FDXR: variants seen among roughly 807,000 people sequenced by gnomAD.
FDXR encodes NADPH:adrenodoxin oxidoreductase, mitochondrial.
Under a neutral mutation model 58.3 loss-of-function variants are expected in FDXR, and 38 were observed. The ratio of observed to expected loss-of-function variants is 0.65; its 90% CI spans 0.50 to 0.85. The LOEUF (loss-of-function observed/expected upper bound fraction) is 0.85. Among genes scored for constraint, FDXR ranks in the 40% least tolerant of loss-of-function variants. The pLI is 0.00. For synonymous variants in FDXR, 275 were observed against 273.8 expected (o/e 1.00, Z -0.04); for missense variants, 624 against 671.0 (o/e 0.93, Z 0.77).
Position 74,865,083 on chromosome 17 carries a change from C to G in FDXR, c.610-152G>C. 3 of 982,378 alleles carry G rather than the reference C, an allele frequency of 3.1e-6. No homozygotes were observed. The South Asian group carries it at 4.5e-5, about 15-fold the overall frequency. The allele number at this position is 982,378 out of a possible 1,614,324, so 60.9% of individuals were successfully genotyped here. ...CTGGTGGCCAGATGGAGCATTGCTG[C>G]CAACTCTGCAAATGGCTCCAACTAA... On this transcript the variant is annotated intron_variant, in intron 6 of 11. Transcript: ENST00000293195.
At chr17:74,866,631 C>T in intron 3 of FDXR, 63 bp from the exon 4 acceptor site, 2 of 1,605,552 alleles carry the variant, frequency 1.2e-6, no homozygotes, top group South Asian at 1.1e-5. Context: ...ACCAAGTCTG[C>T]ACCACCCTCA....
At position 74,865,583 on chromosome 17, in the gene FDXR, C is replaced by T. The variant is rs1194139272; in HGVS notation, c.609+136G>A. ...CTCATGGCACTGCCCTTCAGAGAGC[C>T]TCTGCCTGGGCACCACGGGGAAACA... On this transcript the variant is annotated intron_variant, in intron 6 of 11. Coordinates refer to ENST00000293195, the MANE Select transcript of FDXR (RefSeq NM_024417.5). 6.5e-6 allele frequency: 4 copies of T among 618,666 alleles called. No homozygotes were observed. The Admixed American group carries it at 7.8e-5, about 12-fold the overall frequency. 38.3% of individuals were successfully genotyped at this position (618,666 alleles called of 1,614,324 possible).
Position 74,872,989 on chromosome 17 carries a change from C to G in FDXR, c.-45G>C. 6.6e-7 allele frequency: 1 copy of G among 1,516,018 alleles called. No individual in the cohort carries two copies. 93.9% of individuals were successfully genotyped at this position (1,516,018 alleles called of 1,614,324 possible). A position where few individuals can be genotyped will look rare whatever the true frequency, so the allele number is the denominator to read the frequency against. On this transcript the variant is annotated 5_prime_UTR_variant, in exon 1 of 12. Transcript: ENST00000293195. ...CAAGTGGATCTGTTCCTAGCTACTG[C>G]TCCGCAGGGCAAGCCCGCTCCTGCC...
chr17:74,862,717 C>A lies in FDXR; in HGVS notation c.*100G>T. The stretch of plus-strand genomic sequence containing the variant: ...AGCCAAGCCTCCAAGCCAGGGCCGG[C>A]CGGGATCAGCAGAGGTGCAAAGTCC... On this transcript the variant is annotated 3_prime_UTR_variant, in exon 12 of 12. Transcript: ENST00000293195. 2.8e-6 allele frequency: 4 copies of A among 1,451,320 alleles called. No homozygotes were observed. Among genetic ancestry groups the A allele is most frequent in the South Asian group, 1.4e-5 (1 of 72,550 alleles). The allele number at this position is 1,451,320 out of a possible 1,614,324, so 89.9% of individuals were successfully genotyped here.
Position 74,864,930 on chromosome 17 carries a change from C to T in FDXR, c.611G>A (p.Arg204Lys), listed in dbSNP as rs774427615. Residue 204 changes from arginine (R) to lysine (K), a missense_variant and splice_region_variant, in exon 7 of 12, where the codon AGA becomes AAA. By Grantham distance (26) the Arg-to-Lys change is conservative. Coordinates refer to ENST00000293195, the MANE Select transcript of FDXR (RefSeq NM_024417.5). ...CAGGGCTGCCTTCGTGATGTCCGTTCTCTGGCACAAAAGGAGGGCCTTGGA... is the reference window on the plus strand; with the variant it reads ...CAGGGCTGCCTTCGTGATGTCCGTTTTCTGGCACAAAAGGAGGGCCTTGGA... ...ILLTPPEHLE[R>K]TDITKAALGV... is the part of the protein sequence containing the mutation. 5.0e-6 allele frequency: 8 copies of T among 1,614,034 alleles called. No individual in the cohort carries two copies. The highest frequency in any genetic ancestry group is 6.8e-6 in the Non-Finnish European group (8 of 1,180,002).
In FDXR at chr17:74,872,078, G is replaced by A; in HGVS notation, c.135C>T (p.Gly45=). 1 of 1,605,718 alleles carries A rather than the reference G, an allele frequency of 6.2e-7. No individual in the cohort carries two copies. Among genetic ancestry groups the A allele is most frequent in the South Asian group, 1.1e-5 (1 of 89,932 alleles). ...QEKTPQICVV[G]SGPAGFYTAQ... is the part of the protein sequence containing the mutation. ...CCGTGTAGAAGCCAGCTGGGCCACT[G>A]CCCACCACACAGATCTGGGGGGTCT... The change falls in exon 2 of 12, where the codon GGC becomes GGT. Residue 45 remains glycine, a synonymous_variant. Coordinates refer to ENST00000293195, the MANE Select transcript of FDXR (RefSeq NM_024417.5).
Position 74,863,981 on chromosome 17 carries a change from C to T in FDXR, c.1089G>A (p.Lys363=), listed in dbSNP as rs776419900. The T allele has an allele frequency of 8.1e-6, 13 of 1,613,988 alleles. No individual in the cohort carries two copies. The highest frequency in any genetic ancestry group is 3.3e-5 in the Admixed American group (2 of 60,012). ...GCACGCTTGGGTCGACAGGGCGGCT[C>T]TTATACCCAATGCTGCTGAGCACCA... ...CGLVLSSIGY[K]SRPVDPSVPF... The change falls in exon 10 of 12, where the codon AAG becomes AAA. Residue 363 remains lysine, a synonymous_variant. Coordinates refer to ENST00000293195, the MANE Select transcript of FDXR (RefSeq NM_024417.5).
chr17:74,862,686 A>G lies in FDXR; in HGVS notation c.*131T>C. The G allele has an allele frequency of 7.9e-7, 1 of 1,268,746 alleles. No homozygotes were observed. The allele number at this position is 1,268,746 out of a possible 1,614,324, so 78.6% of individuals were successfully genotyped here. Reference sequence around the variant, plus strand: ...CCCCAGGAGGGAGGAGAGACGCTGGAAGAGCAGCCAAGCCTCCAAGCCAGG... The same window carrying G: ...CCCCAGGAGGGAGGAGAGACGCTGGGAGAGCAGCCAAGCCTCCAAGCCAGG... On this transcript the variant is annotated 3_prime_UTR_variant, in exon 12 of 12. Coordinates refer to ENST00000293195, the MANE Select transcript of FDXR (RefSeq NM_024417.5).
Position 74,865,750 on chromosome 17 carries a change from C to A in FDXR, c.578G>T (p.Arg193Leu), listed in dbSNP as rs772347757. ...GQGNVALDVARILLTPPEHLE... is the reference protein window; with the variant it reads ...GQGNVALDVALILLTPPEHLE... ...GTGCTCAGGTGGGGTCAGTAGGATGCGGGCCACGTCCAGAGCCACGTTCCC... is the reference window on the plus strand; with the variant it reads ...GTGCTCAGGTGGGGTCAGTAGGATGAGGGCCACGTCCAGAGCCACGTTCCC... The change falls in exon 6 of 12, where the codon CGC (arginine) becomes CTC (leucine). Residue 193 changes from arginine to leucine, a missense_variant. Physicochemically the swap from Arg to Leu is moderately radical, Grantham distance 102. Coordinates refer to ENST00000293195, the MANE Select transcript of FDXR (RefSeq NM_024417.5). The A allele has an allele frequency of 1.2e-6, 2 of 1,612,614 alleles. No individual in the cohort carries two copies. Among genetic ancestry groups the A allele is most frequent in the Non-Finnish European group, 1.7e-6 (2 of 1,179,770 alleles).
rs200642785 is a variant in FDXR at position 74,865,758 on chromosome 17, G to A, written c.570C>T (p.Asp190=). ...GTGGGGTCAGTAGGATGCGGGCCAC[G>A]TCCAGAGCCACGTTCCCCTGCCCCA... is the stretch of plus-strand genomic sequence containing the variant. ...VILGQGNVAL[D]VARILLTPPE... The change falls in exon 6 of 12, where the codon GAC becomes GAT. Residue 190 remains aspartate (D), a synonymous_variant. Coordinates refer to ENST00000293195, the MANE Select transcript of FDXR (RefSeq NM_024417.5). 9.4e-5 allele frequency: 151 copies of A among 1,613,386 alleles called. No individual in the cohort carries two copies. The highest frequency in any genetic ancestry group is 8.7e-5 in the Non-Finnish European group (103 of 1,179,924).
At position 74,863,886 on chromosome 17, in the gene FDXR, A is replaced by G; in HGVS notation, c.1174+10T>C. On this transcript the variant is annotated intron_variant, in intron 10 of 11. Transcript: ENST00000293195. ...ATAATTCAGCACCCAGCCTCCTCAC[A>G]CCCTCTCACCTGGCACATCCATAAC... 1.9e-6 allele frequency: 3 copies of G among 1,607,774 alleles called. No individual in the cohort carries two copies. The South Asian group carries it at 3.3e-5, about 18-fold the overall frequency.
intron 2 of FDXR, among the ~76,000 whole-genome samples, chr17:74,869,765 G>C (rs939459406): frequency 1.3e-5 from 2 of 152,262 alleles, no homozygotes; most frequent in African/African-American, 4.8e-5. Context: ...CAGGGACCAC[G>C]TCTGTCCTGT....
chr17:74,869,834 T>C (rs1401555691), intron 2 of FDXR: 2 of 400,400 alleles, frequency 5.0e-6, no homozygotes, highest in African/African-American at 4.1e-5. Context: ...AGTAAATGAT[T>C]ACTGAATGGA....
chr17:74,862,589 CCCA>C lies in FDXR; in HGVS notation c.*225_*227del. ...AGAGATGGGTAAGGGGTTAGATCGG[CCCA>C]CACCTCCACCTGTCCCTAAGGTTAC... On this transcript the variant is annotated 3_prime_UTR_variant, in exon 12 of 12. Coordinates refer to ENST00000293195, the MANE Select transcript of FDXR (RefSeq NM_024417.5). The C allele has an allele frequency of 1.8e-6, 1 of 562,498 alleles. No homozygotes were observed. The highest frequency in any genetic ancestry group is 2.9e-5 in the East Asian group (1 of 34,006). 34.8% of individuals were successfully genotyped at this position (562,498 alleles called of 1,614,324 possible).
At chr17:74,869,426 G>A (rs1220120229) in intron 2 of FDXR, among the ~76,000 whole-genome samples, 9 of 152,130 alleles carry the variant, frequency 5.9e-5, no homozygotes, top group African/African-American at 2.2e-4. Context: ...AGCCCCCCAG[G>A]ATCTGGGTCC....
chr17:74,868,623 C>G, intron 2 of FDXR: 1 of 1,535,694 alleles, frequency 6.5e-7, no homozygotes, highest in Non-Finnish European at 8.7e-7. Context: ...GGGCCACCTC[C>G]GGAACGCTAA....
rs144469542 is a variant in FDXR, at chr17:74,864,189, G to A, written c.961C>T (p.Arg321Trp). Residue 321 changes from arginine to tryptophan, a missense_variant, in exon 9 of 12, where the codon CGG (arginine) becomes TGG (tryptophan). By Grantham distance (101) the Arg-to-Trp change is moderately radical. Transcript: ENST00000293195. Reference protein sequence around the residue: ...PQQVLPSPDGRRAAGVRLAVT... With the variant: ...PQQVLPSPDGWRAAGVRLAVT... ...GCTAGGCGGACACCTGCTGCCCGCC[G>A]CCCATCTGGTGAGGGCAGCACCTGC... 7.3e-5 allele frequency: 118 copies of A among 1,612,628 alleles called. No individual in the cohort carries two copies. Among genetic ancestry groups the A allele is most frequent in the African/African-American group, 5.3e-4 (40 of 75,034 alleles).
chr17:74,866,110 G>A (rs557781696), intron 5 of FDXR, 21 bp downstream of exon 5: 28 of 1,547,708 alleles, frequency 1.8e-5, no homozygotes, highest in South Asian at 9.0e-5. Flanking sequence ...AAGAGGCAGC[G>A]GGCGTGCTCC....
Position 74,866,783 on chromosome 17 carries a change from C to A in FDXR, c.270+1G>T. On this transcript the variant is annotated splice_donor_variant, in intron 3 of 11. Coordinates refer to ENST00000293195, the MANE Select transcript of FDXR (RefSeq NM_024417.5). LOFTEE classifies it high-confidence loss of function. ...CAGCCTCCAGGCCCAGAGACACCCA[C>A]CTTCACCTCGGGGTGATCAGGCGCC... The A allele has an allele frequency of 6.2e-7, 1 of 1,614,072 alleles. No individual in the cohort carries two copies. Among genetic ancestry groups the A allele is most frequent in the South Asian group, 1.1e-5 (1 of 91,088 alleles).
Sources: allele counts gnomAD v4.1 joint callset (sites outside exome capture counted in the v4.1 genomes callset), GRCh38; gene constraint gnomAD v4.1.1; transcripts MANE v1.5; gene names NCBI Gene and HGNC (gene_info 2026-07-23, HGNC 2026-07-21).